Variants in ANXA8 observed in about 807,000 individuals in gnomAD.
The protein encoded by ANXA8 is annexin A8.
A neutral mutation model predicts 26.8 loss-of-function variants in ANXA8; 9 were observed. The ratio of observed to expected loss-of-function variants is 0.34; its 90% confidence interval spans 0.20 to 0.59. The LOEUF is 0.59. ANXA8 is among the 20% of genes least tolerant of loss of function. The pLI is 0.84. For synonymous variants in ANXA8, 39 were observed against 94.8 expected (o/e 0.41, Z 3.42); for missense variants, 83 against 238.5 (o/e 0.35, Z 4.29).
At chr10:47,658,104 C>T in the ANXA8 span, among the ~76,000 whole-genome samples, 2 of 151,894 alleles carry the variant, frequency 1.3e-5, no homozygotes, top group Non-Finnish European at 2.9e-5. Context: ...GTGCCGGTGG[C>T]TCACGCCTGT....
At chr10:47,504,288 TATA>T in the ANXA8 span, 3 of 616,608 alleles carry the variant, frequency 4.9e-6, no homozygotes, top group South Asian at 6.0e-5. Context: ...AATATCTTAG[TATA>T]ATATTTGTTG....
the ANXA8 span, among the ~76,000 whole-genome samples, chr10:47,603,476 T>C: frequency 6.7e-6 from 1 of 148,392 alleles, no homozygotes; most frequent in Non-Finnish European, 1.5e-5. Context: ...AAATTGAAAA[T>C]TGTTTATATT....
chr10:47,671,966 T>C, the ANXA8 span, among the ~76,000 whole-genome samples: 1 of 151,888 alleles, frequency 6.6e-6, no homozygotes, highest in Non-Finnish European at 1.5e-5. Flanking sequence ...ATCTGAGGTA[T>C]TTAATTAATA....
the ANXA8 span, among the ~76,000 whole-genome samples, chr10:47,914,946 G>A: frequency 6.6e-6 from 1 of 152,400 alleles, no homozygotes; most frequent in African/African-American, 2.4e-5. Flanking sequence ...TATCTCCTTT[G>A]TGCTGTTGAT....
At chr10:47,951,952 T>C in the ANXA8 span, among the ~76,000 whole-genome samples, 1 of 150,568 alleles carries the variant, frequency 6.6e-6, no homozygotes, top group Non-Finnish European at 1.5e-5. Flanking sequence ...AGTTAATCAG[T>C]GCAATTGACC....
chr10:47,896,096 G>A, the ANXA8 span, among the ~76,000 whole-genome samples: 14 of 150,714 alleles, frequency 9.3e-5, no homozygotes, highest in African/African-American at 2.0e-4. Flanking sequence ...CTACACATAC[G>A]AAGCCACATT....
the ANXA8 span, among the ~76,000 whole-genome samples, chr10:47,955,225 G>A: frequency 1.7e-3 from 261 of 149,932 alleles, 7 homozygotes; most frequent in East Asian, 0.021. Flanking sequence ...GCCTCCCGCC[G>A]TGATTGTGAG....
the ANXA8 span, among the ~76,000 whole-genome samples, chr10:47,615,564 T>C: frequency 2.8e-5 from 2 of 70,772 alleles, no homozygotes; most frequent in Non-Finnish European, 3.6e-5. Context: ...ATGAACTAAC[T>C]CGCCCAAAGT....
At chr10:47,678,833 A>G in the ANXA8 span, among the ~76,000 whole-genome samples, 1 of 148,204 alleles carries the variant, frequency 6.7e-6, no homozygotes, top group East Asian at 2.0e-4. Flanking sequence ...ATTTGAGATC[A>G]GGAGTTTGAG....
the ANXA8 span, among the ~76,000 whole-genome samples, chr10:47,651,207 A>G: frequency 6.6e-6 from 1 of 151,152 alleles, no homozygotes; most frequent in Non-Finnish European, 1.5e-5. Context: ...CTCTAAAATA[A>G]TAATGATAAT....
chr10:47,776,900 C>A, the ANXA8 span, among the ~76,000 whole-genome samples: 1 of 151,506 alleles, frequency 6.6e-6, no homozygotes, highest in South Asian at 2.1e-4. Flanking sequence ...GCTTCTCTAT[C>A]CCTAGGTATT....
the ANXA8 span, among the ~76,000 whole-genome samples, chr10:47,674,475 A>T: frequency 6.6e-6 from 1 of 151,792 alleles, no homozygotes; most frequent in East Asian, 1.9e-4. Context: ...TACTGTCAAT[A>T]TGACTAATCA....
the ANXA8 span, chr10:47,523,768 G>C: frequency 7.3e-7 from 1 of 1,366,660 alleles, no homozygotes; most frequent in South Asian, 1.5e-5. Context: ...TGTCTGGGAG[G>C]GTGAAGACCA....
chr10:47,519,429 T>C, the ANXA8 span, among the ~76,000 whole-genome samples: 3 of 122,078 alleles, frequency 2.5e-5, no homozygotes, highest in Non-Finnish European at 3.4e-5. Flanking sequence ...GATTGTGCCA[T>C]TGCACTCCAG....
chr10:47,503,937 C>CAAAAAAAAAAAAA, the ANXA8 span, among the ~76,000 whole-genome samples: 2 of 23,442 alleles, frequency 8.5e-5, no homozygotes, highest in Non-Finnish European at 1.4e-4. Context: ...GAGAGTCCAT[C>CAAAAAAAAAAAAA]AAAAAAAAAA....
At chr10:47,581,597 C>G in the ANXA8 span, 3 of 465,062 alleles carry the variant, frequency 6.5e-6, no homozygotes, top group African/African-American at 4.1e-5. Context: ...AAACATGTAA[C>G]TGATGTTCTT....
At chr10:47,951,999 A>G in the ANXA8 span, among the ~76,000 whole-genome samples, 1 of 150,398 alleles carries the variant, frequency 6.6e-6, no homozygotes, top group Admixed American at 6.6e-5. Context: ...TAAAGCAGAA[A>G]ACCCAGGTGA....
At chr10:47,701,256 T>A in the ANXA8 span, among the ~76,000 whole-genome samples, 10 of 151,012 alleles carry the variant, frequency 6.6e-5, no homozygotes, top group Non-Finnish European at 1.2e-4. Context: ...TGCCCTCTTA[T>A]ACATTGGTGG....
chr10:47,680,503 T>A, the ANXA8 span, among the ~76,000 whole-genome samples: 1 of 151,708 alleles, frequency 6.6e-6, no homozygotes, highest in Non-Finnish European at 1.5e-5. Flanking sequence ...GGTGTGGTGG[T>A]GCATGCCTGT....
Sources: allele counts gnomAD v4.1 joint callset (sites outside exome capture counted in the v4.1 genomes callset), GRCh38; gene constraint gnomAD v4.1.1; transcripts MANE v1.5; gene names NCBI Gene and HGNC (gene_info 2026-07-23, HGNC 2026-07-21).